Variants in GRIA3 observed in about 807,000 individuals in gnomAD.
The protein encoded by GRIA3 is glutamate ionotropic receptor AMPA type subunit 3.
GRIA3 carries 3 observed loss-of-function variants against 63.0 expected under a neutral mutation model. The ratio of observed to expected loss-of-function variants is 0.05; its 90% CI spans 0.02 to 0.12. GRIA3 has a LOEUF of 0.12. Among genes scored for constraint, GRIA3 ranks in the 10% least tolerant of loss-of-function variants. GRIA3 has a pLI of 1.00. For synonymous variants in GRIA3, 274 were observed against 257.9 expected (o/e 1.06, Z -0.60); for missense variants, 347 against 700.9 (o/e 0.50, Z 5.70).
At chrX:123,444,701 C>G (rs1220066673) in intron 12 of GRIA3, among the ~76,000 whole-genome samples, 1 of 110,792 alleles carries the variant, frequency 9.0e-6, no homozygotes, top group African/African-American at 3.3e-5. Context: ...GAGGGCACAT[C>G]TTTAAGAAAA....
At chrX:123,258,191 T>TA (rs1181173916) in intron 3 of GRIA3, among the ~76,000 whole-genome samples, 1 of 112,404 alleles carries the variant, frequency 8.9e-6, no homozygotes, top group African/African-American at 3.2e-5. Flanking sequence ...TACACCTTCA[T>TA]AAAAACTTCC....
At chrX:123,290,643 T>TA (rs11386067) in intron 3 of GRIA3, among the ~76,000 whole-genome samples, 48,983 of 106,067 alleles carry the variant, frequency 0.46, 9,610 homozygotes, top group African/African-American at 0.7. Flanking sequence ...GGTATATGTA[T>TA]AAAAAAATTA....
intron 5 of GRIA3, among the ~76,000 whole-genome samples, chrX:123,380,724 C>A (rs2045319278): frequency 8.9e-6 from 1 of 111,768 alleles, no homozygotes; most frequent in Non-Finnish European, 1.9e-5. Flanking sequence ...CTTGCCCATG[C>A]CTATGTCCTG....
intron 2 of GRIA3, among the ~76,000 whole-genome samples, chrX:123,216,452 A>G (rs7884599): frequency 0.077 from 8,598 of 111,204 alleles, 641 homozygotes; most frequent in African/African-American, 0.22. Flanking sequence ...TTCTTGGGTC[A>G]GTGGGACAAA....
chrX:123,309,320 T>C (rs1603084859), intron 3 of GRIA3, among the ~76,000 whole-genome samples: 1 of 107,030 alleles, frequency 9.3e-6, no homozygotes, highest in African/African-American at 3.4e-5. Context: ...TGAGCCAAGA[T>C]CGTGCCACTG....
intron 3 of GRIA3, among the ~76,000 whole-genome samples, chrX:123,313,199 G>T (rs941914385): frequency 3.0e-4 from 33 of 111,609 alleles, no homozygotes; most frequent in African/African-American, 1.0e-3. Context: ...TTTTACGTGG[G>T]TTTCTTTAGT....
chrX:123,222,609 G>T (rs2044225090), intron 2 of GRIA3, among the ~76,000 whole-genome samples: 1 of 111,742 alleles, frequency 8.9e-6, no homozygotes, highest in Non-Finnish European at 1.9e-5. Context: ...GAATTACCTG[G>T]GAAAGCTTTA....
intron 3 of GRIA3, among the ~76,000 whole-genome samples, chrX:123,318,330 G>A (rs554525845): frequency 1.8e-5 from 2 of 112,159 alleles, no homozygotes; most frequent in Admixed American, 9.4e-5. Context: ...TCTGCAGCCC[G>A]GTTGAATTTC....
intron 4 of GRIA3, among the ~76,000 whole-genome samples, chrX:123,351,523 G>A (rs991590711): frequency 8.9e-6 from 1 of 111,941 alleles, no homozygotes; most frequent in Non-Finnish European, 1.9e-5. Context: ...TTTCAGCAGA[G>A]ATTACTGAAC....
chrX:123,208,132 G>T (rs780466787), intron 2 of GRIA3, among the ~76,000 whole-genome samples: 2 of 112,662 alleles, frequency 1.8e-5, no homozygotes, highest in South Asian at 7.3e-4. Flanking sequence ...GCCTCTAGTC[G>T]GAAGGGGCTA....
intron 15 of GRIA3, among the ~76,000 whole-genome samples, chrX:123,483,914 A>C (rs756121911): frequency 3.9e-5 from 4 of 102,034 alleles, no homozygotes; most frequent in Admixed American, 2.2e-4. Flanking sequence ...CCTGGGTGAC[A>C]GTGTGAGACT....
chrX:123,394,132 C>T (rs774686802), intron 5 of GRIA3, among the ~76,000 whole-genome samples: 2 of 112,200 alleles, frequency 1.8e-5, no homozygotes, highest in Non-Finnish European at 3.8e-5. Context: ...GAGGCCGAGG[C>T]AGGCAGATCA....
chrX:123,395,059 A>G lies in GRIA3; in HGVS notation c.842A>G (p.Gln281Arg), dbSNP rs1375546523. The change falls in exon 6 of 16, where the codon CAG (glutamine) becomes CGG (arginine). Residue 281 changes from glutamine (Q) to arginine (R), a missense_variant. Physicochemically the swap from Gln to Arg is conservative, Grantham distance 43 (BLOSUM62 1). Around this residue, in one of 8 missense-constraint regions of GRIA3, gnomAD observed 113 missense variants for 130.6 expected, o/e 0.87. Transcript: ENST00000620443. ...GTCAACAATGAAAACCCTATGGTTCAGCAGTTCATACAGCGCTGGGTGAGG... is the reference window on the plus strand; with the variant it reads ...GTCAACAATGAAAACCCTATGGTTCGGCAGTTCATACAGCGCTGGGTGAGG... ...QIVNNENPMV[Q>R]QFIQRWVRLD... 2.5e-6 allele frequency: 3 copies of G among 1,203,125 alleles called. No individual in the cohort carries two copies. Among genetic ancestry groups the G allele is most frequent in the African/African-American group, 3.5e-5 (2 of 57,089 alleles).
At chrX:123,391,684 T>A (rs948640242) in intron 5 of GRIA3, among the ~76,000 whole-genome samples, 4 of 111,664 alleles carry the variant, frequency 3.6e-5, no homozygotes, top group Admixed American at 9.5e-5. Context: ...GATGGGTGGG[T>A]GGGTCCTTGG....
chrX:123,318,581 G>A (rs1053167208), intron 3 of GRIA3, among the ~76,000 whole-genome samples: 47 of 111,901 alleles, frequency 4.2e-4, no homozygotes, highest in Non-Finnish European at 2.3e-4. Flanking sequence ...CATAACAAGA[G>A]TCACCTTTGC....
intron 12 of GRIA3, among the ~76,000 whole-genome samples, chrX:123,449,078 C>T (rs1356526263): frequency 8.9e-6 from 1 of 111,739 alleles, no homozygotes; most frequent in Admixed American, 9.5e-5. Flanking sequence ...AGGATCTATA[C>T]TCTTAACAAC....
rs1011053354 is a variant in GRIA3, at chrX:123,490,907, A to G, written c.*2197A>G. The G allele has an allele frequency of 2.7e-5, 3 of 112,707 alleles. No individual in the cohort carries two copies. Among genetic ancestry groups the G allele is most frequent in the African/African-American group, 9.7e-5 (3 of 30,934 alleles). 9.3% of individuals were successfully genotyped at this position (112,707 alleles called of 1,213,427 possible). A position where few individuals can be genotyped will look rare whatever the true frequency, so the allele number is the denominator to read the frequency against. ...AATACATTTTGTAAATAAAATTGTA[A>G]AGAAAGAATTCTGTTTCTGTGCTTT... On this transcript the variant is annotated 3_prime_UTR_variant, in exon 16 of 16. Coordinates refer to ENST00000620443, the MANE Select transcript of GRIA3 (RefSeq NM_007325.5).
At chrX:123,372,217 T>C (rs1338489125) in intron 5 of GRIA3, among the ~76,000 whole-genome samples, 1 of 111,882 alleles carries the variant, frequency 8.9e-6, no homozygotes, top group Non-Finnish European at 1.9e-5. Flanking sequence ...GGGTTCTCTA[T>C]TCTGTTACAT....
At chrX:123,434,696 G>A (rs1239864686) in intron 12 of GRIA3, among the ~76,000 whole-genome samples, 1 of 111,436 alleles carries the variant, frequency 9.0e-6, no homozygotes, top group Non-Finnish European at 1.9e-5. Flanking sequence ...AAAGGCCTCT[G>A]GAAAAGGGAA....
Sources: gnomAD v4.1 joint callset for allele counts (sites outside exome capture counted in the v4.1 genomes callset) on GRCh38, gnomAD v4.1.1 for gene constraint, gnomAD v4.1.1 regional missense constraint, MANE v1.5 for transcripts, NCBI Gene and HGNC (gene_info 2026-07-23, HGNC 2026-07-21) for gene names.